The following NPLOC4 variants were observed in gnomAD, a reference collection of about 807,000 sequenced individuals.
NPLOC4 encodes NPL4 homolog, ubiquitin recognition factor.
In NPLOC4, 18 loss-of-function variants were observed where a neutral mutation model predicts 80.6. The ratio of observed to expected loss-of-function variants is 0.22; its 90% CI spans 0.15 to 0.33. The LOEUF (loss-of-function observed/expected upper bound fraction) is 0.33, where lower values mean the gene tolerates loss of function less well. Among genes scored for constraint, NPLOC4 ranks in the 10% least tolerant of loss-of-function variants. NPLOC4 has a pLI of 1.00. For missense variants in NPLOC4, 540 were observed against 786.1 expected (o/e 0.69, Z 3.74); for synonymous variants, 313 against 301.5 (o/e 1.04, Z -0.39).
At chr17:81,586,464 A>G (rs979245838) in intron 12 of NPLOC4, among the ~76,000 whole-genome samples, 3 of 151,998 alleles carry the variant, frequency 2.0e-5, no homozygotes, top group African/African-American at 7.3e-5. Context: ...ACAAAAAATT[A>G]GCCGGGCAGG....
intron 12 of NPLOC4, among the ~76,000 whole-genome samples, chr17:81,576,889 G>T (rs965677129): frequency 6.6e-6 from 1 of 152,194 alleles, no homozygotes; most frequent in Non-Finnish European, 1.5e-5. Flanking sequence ...AGCACCACCT[G>T]CAAGTGTCCA....
At chr17:81,576,514 C>G (rs1188071893) in intron 12 of NPLOC4, among the ~76,000 whole-genome samples, 3 of 152,172 alleles carry the variant, frequency 2.0e-5, no homozygotes, top group Non-Finnish European at 2.9e-5. Context: ...AACCAATCCT[C>G]TGTGTCAACT....
intron 11 of NPLOC4, among the ~76,000 whole-genome samples, chr17:81,590,595 C>T (rs530264598): frequency 1.3e-5 from 2 of 152,148 alleles, no homozygotes; most frequent in African/African-American, 4.8e-5. Flanking sequence ...ATCCTCCTGC[C>T]TCAGCTTCCC....
chr17:81,580,704 T>A lies in NPLOC4; in HGVS notation c.1281+8240A>T, dbSNP rs556744228. The stretch of plus-strand genomic sequence containing the variant: ...ACCCGTTCCGCTGGGGTGGCCCACC[T>A]CCCCTGCTGCAGCAGTCTCCCCGAT... On this transcript the variant is annotated intron_variant, in intron 12 of 16. Transcript: ENST00000331134. The surrounding 1 kb of genome is among the most constrained non-coding windows in gnomAD (Gnocchi z 4.4). Among the ~76,000 whole-genome samples the A allele has an allele frequency of 2.5e-4, 38 of 152,248 alleles. No homozygotes were observed. The highest frequency in any genetic ancestry group is 7.9e-4 in the African/African-American group (33 of 41,542).
chr17:81,622,128 TC>T, intron 3 of NPLOC4, 37 bp downstream of exon 3: 6 of 1,461,982 alleles, frequency 4.1e-6, no homozygotes, highest in East Asian at 2.3e-5. Flanking sequence ...GGACCTCATT[TC>T]CCCCCATTCC....
At chr17:81,586,340 G>A (rs545916937) in intron 12 of NPLOC4, among the ~76,000 whole-genome samples, 1 of 152,192 alleles carries the variant, frequency 6.6e-6, no homozygotes, top group South Asian at 2.1e-4. Context: ...CACTTTGGGT[G>A]GCCTCACGCC....
rs150029755 is a variant in NPLOC4 at position 81,562,686 on chromosome 17, C to T, written c.1669+2819G>A. On this transcript the variant is annotated intron_variant, in intron 16 of 16. Coordinates refer to ENST00000331134, the MANE Select transcript of NPLOC4 (RefSeq NM_017921.4). ...AGAGTTGGCTGGACATGGTGGCTTA[C>T]CACTGCAATCTCAGCACTGAGGCGG... 3.1e-3 allele frequency: 477 copies of T among 152,326 alleles called. 2 individuals carry two copies. Among genetic ancestry groups the T allele is most frequent in the Non-Finnish European group, 4.5e-3 (304 of 68,078 alleles). 9.4% of individuals were successfully genotyped at this position (152,326 alleles called of 1,614,324 possible).
chr17:81,575,581 A>C (rs2034275914), intron 12 of NPLOC4, among the ~76,000 whole-genome samples: 1 of 152,248 alleles, frequency 6.6e-6, no homozygotes, highest in African/African-American at 2.4e-5. Flanking sequence ...AGGGTTACAA[A>C]GATGAGTGAA....
At chr17:81,571,665 G>A (rs988019798) in intron 13 of NPLOC4, among the ~76,000 whole-genome samples, 1 of 152,238 alleles carries the variant, frequency 6.6e-6, no homozygotes, top group African/African-American at 2.4e-5. Flanking sequence ...TGATGCTCCG[G>A]TGACTGGAGA....
rs1032863064 is a variant in NPLOC4 at position 81,558,060 on chromosome 17, C to T, written c.*1199G>A. 1.3e-4 allele frequency: 20 copies of T among 152,428 alleles called. No individual in the cohort carries two copies. Among genetic ancestry groups the T allele is most frequent in the South Asian group, 4.1e-4 (2 of 4,838 alleles). The allele number at this position is 152,428 out of a possible 1,614,324, so 9.4% of individuals were successfully genotyped here. Reference sequence around the variant, plus strand: ...GGCCATCATTAAGGCAAAGAAGCATCGAGATGCCCACCACTCCCCGGGTAA... The same window carrying T: ...GGCCATCATTAAGGCAAAGAAGCATTGAGATGCCCACCACTCCCCGGGTAA... On this transcript the variant is annotated 3_prime_UTR_variant, in exon 17 of 17. Coordinates refer to ENST00000331134, the MANE Select transcript of NPLOC4 (RefSeq NM_017921.4).
At chr17:81,586,977 A>G (rs2034595862) in intron 12 of NPLOC4, among the ~76,000 whole-genome samples, 1 of 152,248 alleles carries the variant, frequency 6.6e-6, no homozygotes, top group Non-Finnish European at 1.5e-5. Context: ...ACCCTGCTGG[A>G]GTCTCTGGCT....
intron 6 of NPLOC4, 104 bp from the exon 7 acceptor site, chr17:81,606,918 G>A (rs2035219056): frequency 9.3e-7 from 1 of 1,071,378 alleles, no homozygotes; most frequent in Non-Finnish European, 1.4e-6. Flanking sequence ...AGTGTCTCAG[G>A]AGCTAAGCAC....
intron 1 of NPLOC4, among the ~76,000 whole-genome samples, chr17:81,630,390 T>G (rs1287290015): frequency 6.6e-6 from 1 of 152,070 alleles, no homozygotes; most frequent in Admixed American, 6.6e-5. Flanking sequence ...AAGGTTCAAG[T>G]GATCCTCTGA....
At chr17:81,600,578 G>A (rs1048781506) in intron 8 of NPLOC4, among the ~76,000 whole-genome samples, 151 bp from the exon 9 acceptor site, 3 of 151,928 alleles carry the variant, frequency 2.0e-5, no homozygotes, top group Non-Finnish European at 4.4e-5. Context: ...AAACACATGC[G>A]ACACGCCTCC....
In NPLOC4 at chr17:81,597,293, G is replaced by A. The variant is rs759208721; in HGVS notation, c.945C>T (p.Leu315=). The change falls in exon 10 of 17, where the codon CTC becomes CTT. Residue 315 remains leucine, a synonymous_variant. Transcript: ENST00000331134. ...LRKVGWIFTD[L]VSEDTRKGTV... ...TACCCTTTCGGGTATCTTCTGAGAC[G>A]AGGTCTGTAAATATCCAGCCAACCT... The A allele has an allele frequency of 6.8e-6, 11 of 1,613,408 alleles. No individual in the cohort carries two copies. The highest frequency in any genetic ancestry group is 4.5e-5 in the East Asian group (2 of 44,862).
chr17:81,605,856 CTG>C (rs2035189961), intron 7 of NPLOC4, among the ~76,000 whole-genome samples: 1 of 149,302 alleles, frequency 6.7e-6, no homozygotes, highest in Non-Finnish European at 1.5e-5. Flanking sequence ...GAGTCTCGCT[CTG>C]TCACCCAGGC....
At chr17:81,623,484 A>AAC (rs1555688083) in intron 2 of NPLOC4, among the ~76,000 whole-genome samples, 1 of 145,898 alleles carries the variant, frequency 6.9e-6, no homozygotes, top group Non-Finnish European at 1.5e-5. Flanking sequence ...AAAAAAAAAA[A>AAC]GCAAAACTCT....
intron 3 of NPLOC4, among the ~76,000 whole-genome samples, chr17:81,616,778 GA>G (rs2035505237): frequency 6.6e-6 from 1 of 151,894 alleles, no homozygotes; most frequent in Admixed American, 6.6e-5. Context: ...AGAGTGGGCA[GA>G]GACATAATTA....
chr17:81,631,437 T>TATATATATATATATATATATATA (rs200897859), intron 1 of NPLOC4, among the ~76,000 whole-genome samples: 68 of 42,882 alleles, frequency 1.6e-3, no homozygotes, highest in Non-Finnish European at 2.3e-3. Flanking sequence ...TATATATATA[T>TATATATATATATATATATATATA]TTTTTTTTTT....
Sources: gnomAD v4.1 joint callset for allele counts (sites outside exome capture counted in the v4.1 genomes callset) on GRCh38, gnomAD v4.1.1 for gene constraint, Gnocchi (gnomAD v3.1) non-coding constraint, MANE v1.5 for transcripts, NCBI Gene and HGNC (gene_info 2026-07-23, HGNC 2026-07-21) for gene names.